Variants in CLIC5 observed in about 807,000 individuals in gnomAD.
The protein encoded by CLIC5 is CLIC family member 5, also known as chloride intracellular channel protein 5.
In CLIC5, 20 loss-of-function variants were observed where a neutral mutation model predicts 24.7. The observed-to-expected ratio is 0.81, with a 90% confidence interval of 0.57 to 1.18. CLIC5 has a LOEUF of 1.18. CLIC5 is among the 50% of genes most tolerant of loss of function. The pLI, the probability that CLIC5 is intolerant of heterozygous loss-of-function variation, is 0.00. For missense variants in CLIC5, 341 were observed against 326.1 expected (o/e 1.05, Z -0.35); for synonymous variants, 159 against 135.6 (o/e 1.17, Z -1.20).
chr6:46,006,542 T>A (rs1444216081), intron 1 of CLIC5, among the ~76,000 whole-genome samples: 1 of 152,152 alleles, frequency 6.6e-6, no homozygotes, highest in Non-Finnish European at 1.5e-5. Context: ...TCCGGGCTTG[T>A]CTTGCTTCTG....
chr6:45,935,479 T>G (rs1463491632), intron 4 of CLIC5, among the ~76,000 whole-genome samples: 1 of 152,204 alleles, frequency 6.6e-6, no homozygotes, highest in Non-Finnish European at 1.5e-5. Flanking sequence ...CAAAGGGGCA[T>G]GGATGACACT....
intron 1 of CLIC5, among the ~76,000 whole-genome samples, chr6:46,012,053 C>G (rs966715266): frequency 1.4e-4 from 22 of 152,202 alleles, no homozygotes; most frequent in Admixed American, 9.2e-4. Flanking sequence ...CACAGCAAAT[C>G]TACAATGACA....
At chr6:46,011,935 G>A (rs949700117) in intron 1 of CLIC5, among the ~76,000 whole-genome samples, 6 of 152,176 alleles carry the variant, frequency 3.9e-5, no homozygotes, top group African/African-American at 1.4e-4. Flanking sequence ...GGACGTGCAG[G>A]TCCAGAAAGG....
At chr6:46,039,534 T>C (rs180954600) in intron 1 of CLIC5, among the ~76,000 whole-genome samples, 99 of 151,816 alleles carry the variant, frequency 6.5e-4, no homozygotes, top group African/African-American at 2.3e-3. Flanking sequence ...AACATAAGCA[T>C]AAAATAAACA....
chr6:45,895,101 C>G (rs1477066619), downstream of CLIC5, among the ~76,000 whole-genome samples: 1 of 152,094 alleles, frequency 6.6e-6, no homozygotes, highest in Admixed American at 6.6e-5. Context: ...AGGTGGTTAT[C>G]TGTGGGCAGA....
intron 5 of CLIC5, among the ~76,000 whole-genome samples, chr6:45,906,436 A>G (rs1762660502): frequency 6.6e-6 from 1 of 152,126 alleles, no homozygotes; most frequent in Non-Finnish European, 1.5e-5. Flanking sequence ...CTCCCTGGTT[A>G]GATGTAGTCC....
In CLIC5 at chr6:45,903,115, A is replaced by T. The variant is rs762150657; in HGVS notation, c.729T>A (p.Asp243Glu). The change falls in exon 6 of 6, where the codon GAT becomes GAA. Residue 243 changes from aspartate to glutamate, a missense_variant. Asp to Glu is a conservative substitution (Grantham distance 45). Coordinates refer to ENST00000339561, the MANE Select transcript of CLIC5 (RefSeq NM_016929.5). ...AGGATCGGCTGAGGCGTTTGGCGACATCAGCGTAGGCCAACTCGATCTCAC... is the reference window on the plus strand; with the variant it reads ...AGGATCGGCTGAGGCGTTTGGCGACTTCAGCGTAGGCCAACTCGATCTCAC... ...ADSEIELAYA[D>E]VAKRLSRS is the part of the protein sequence containing the mutation. The T allele has an allele frequency of 6.2e-7, 1 of 1,614,224 alleles. No homozygotes were observed. The highest frequency in any genetic ancestry group is 1.7e-5 in the Admixed American group (1 of 60,026).
intron 1 of CLIC5, among the ~76,000 whole-genome samples, chr6:45,996,789 C>A (rs1028290733): frequency 2.0e-4 from 30 of 151,948 alleles, no homozygotes; most frequent in African/African-American, 7.0e-4. Context: ...AAATGCAAAT[C>A]AAAACCACAA....
chr6:46,128,309 CCA>C, the CLIC5 span, among the ~76,000 whole-genome samples: 1 of 152,204 alleles, frequency 6.6e-6, no homozygotes, highest in East Asian at 1.9e-4. Flanking sequence ...GCTATCTTCA[CCA>C]CACATCTGAC....
chr6:45,965,563 G>A (rs1764990130), intron 1 of CLIC5, among the ~76,000 whole-genome samples: 1 of 152,178 alleles, frequency 6.6e-6, no homozygotes, highest in African/African-American at 2.4e-5. Context: ...CTTGGTTCAG[G>A]AAAGTTGAAA....
intron 1 of CLIC5, among the ~76,000 whole-genome samples, chr6:45,994,806 GAC>G (rs1766069868): frequency 6.6e-6 from 1 of 151,956 alleles, no homozygotes; most frequent in African/African-American, 2.4e-5. Context: ...AAGCTTCCTT[GAC>G]ACTTCCTATC....
chr6:45,952,795 C>T lies in CLIC5; in HGVS notation c.173+2340G>A, dbSNP rs953086903. 7.9e-5 allele frequency among the ~76,000 whole-genome samples: 12 copies of T among 152,242 alleles called. 1 individual carries two copies. The East Asian group carries it at 1.9e-3, about 25-fold the overall frequency. ...GGCAGGGGTGGTTCCCTCTCCCACT[C>T]TCTTCTCCAGCAAACATACAAGTCC... On this transcript the variant is annotated intron_variant, in intron 2 of 5. Coordinates refer to ENST00000339561, the MANE Select transcript of CLIC5 (RefSeq NM_016929.5).
At chr6:45,905,668 T>C (rs966579269) in intron 5 of CLIC5, among the ~76,000 whole-genome samples, 1 of 152,010 alleles carries the variant, frequency 6.6e-6, no homozygotes, top group Non-Finnish European at 1.5e-5. Context: ...CTTCCTCCCA[T>C]TCTGTGGGCT....
the CLIC5 span, among the ~76,000 whole-genome samples, chr6:46,124,028 T>A: frequency 1.8e-3 from 270 of 152,144 alleles, 2 homozygotes; most frequent in African/African-American, 6.3e-3. Flanking sequence ...TATAGATTCA[T>A]TGCCATCCCC....
chr6:45,974,812 C>A (rs1765333354), intron 1 of CLIC5, among the ~76,000 whole-genome samples: 1 of 152,058 alleles, frequency 6.6e-6, no homozygotes, highest in South Asian at 2.1e-4. Context: ...TCCCCACCCC[C>A]TGCAGGCTCT....
chr6:46,068,943 C>G (rs1264790718), intron 1 of CLIC5, among the ~76,000 whole-genome samples: 7 of 152,098 alleles, frequency 4.6e-5, no homozygotes, highest in Admixed American at 4.6e-4. Context: ...GAAGTCCTGG[C>G]AAACTAATAC....
chr6:45,894,190 T>C (rs1364991688), downstream of CLIC5, among the ~76,000 whole-genome samples: 1 of 152,206 alleles, frequency 6.6e-6, no homozygotes, highest in Non-Finnish European at 1.5e-5. Flanking sequence ...TGAAAAATAA[T>C]GCATCTCAAT....
At chr6:45,954,462 AAGG>A (rs1332077355) in intron 2 of CLIC5, among the ~76,000 whole-genome samples, 4 of 152,232 alleles carry the variant, frequency 2.6e-5, no homozygotes, top group African/African-American at 7.2e-5. Flanking sequence ...TAAAGATAAC[AAGG>A]AGAATATGCC....
intron 1 of CLIC5, among the ~76,000 whole-genome samples, chr6:45,969,562 T>C (rs983464039): frequency 2.6e-5 from 4 of 151,740 alleles, no homozygotes; most frequent in African/African-American, 9.7e-5. Flanking sequence ...GAGTTTGCTA[T>C]TGAATGGAGA....
Sources: gnomAD v4.1 joint callset for allele counts (sites outside exome capture counted in the v4.1 genomes callset) on GRCh38, gnomAD v4.1.1 for gene constraint, MANE v1.5 for transcripts, NCBI Gene and HGNC (gene_info 2026-07-23, HGNC 2026-07-21) for gene names.